Variants in MGMT observed in about 807,000 individuals in gnomAD.
MGMT encodes O-6-methylguanine-DNA methyltransferase.
MGMT carries 14 observed loss-of-function variants against 15.9 expected under a neutral mutation model. The ratio of observed to expected loss-of-function variants is 0.88; its 90% CI spans 0.58 to 1.37. MGMT has a LOEUF of 1.37. Ranked by LOEUF, MGMT falls within the 40% of genes most tolerant of loss-of-function variation. The pLI, the probability that MGMT is intolerant of heterozygous loss-of-function variation, is 0.00. For synonymous variants in MGMT, 130 were observed against 118.2 expected (o/e 1.10, Z -0.65); for missense variants, 282 against 268.1 (o/e 1.05, Z -0.36).
intron 2 of MGMT, among the ~76,000 whole-genome samples, chr10:129,642,106 C>A (rs1847334068): frequency 6.6e-6 from 1 of 152,168 alleles, no homozygotes; most frequent in Non-Finnish European, 1.5e-5. Context: ...CACAGTGAGA[C>A]CCGACATCCC....
intron 2 of MGMT, among the ~76,000 whole-genome samples, chr10:129,685,155 T>G (rs1847891301): frequency 6.6e-6 from 1 of 152,222 alleles, no homozygotes; most frequent in African/African-American, 2.4e-5. Context: ...CAGATAAACA[T>G]GCAAGATTTG....
At chr10:129,756,715 G>A (rs1464667913) in intron 3 of MGMT, among the ~76,000 whole-genome samples, 5 of 152,070 alleles carry the variant, frequency 3.3e-5, no homozygotes, top group South Asian at 2.1e-4. Flanking sequence ...TGATCCGCCC[G>A]CCTCGGCCTC....
At chr10:129,718,418 C>T (rs567868510) in intron 3 of MGMT, among the ~76,000 whole-genome samples, 18 of 152,226 alleles carry the variant, frequency 1.2e-4, no homozygotes, top group African/African-American at 4.3e-4. Flanking sequence ...GGCTGCCCCC[C>T]ACCCCCACCC....
At chr10:129,679,410 T>C (rs1352404176) in intron 2 of MGMT, among the ~76,000 whole-genome samples, 1 of 152,052 alleles carries the variant, frequency 6.6e-6, no homozygotes, top group East Asian at 1.9e-4. Flanking sequence ...TGTTTCACAA[T>C]ATTACTTGAC....
chr10:129,556,638 CCAGA>C lies in MGMT; in HGVS notation c.125+20265_125+20268del, dbSNP rs1178836726. On this transcript the variant is annotated intron_variant, in intron 2 of 4. Transcript: ENST00000651593. This position sits in a 1 kb window ranked among gnomAD's most constrained non-coding sequence, Gnocchi z 4.3. ...CTGCTGTAGAAGAGGCGCCGCCATC[CCAGA>C]CAGTGTTCATAAACACCGACGGCAA... 2.6e-5 allele frequency among the ~76,000 whole-genome samples: 4 copies of C among 152,166 alleles called. No individual in the cohort carries two copies. Among genetic ancestry groups the C allele is most frequent in the African/African-American group, 9.7e-5 (4 of 41,424 alleles).
chr10:129,535,358 T>A (rs1245090687), intron 1 of MGMT, among the ~76,000 whole-genome samples: 3 of 152,144 alleles, frequency 2.0e-5, no homozygotes, highest in African/African-American at 7.2e-5. Context: ...ATTGCACCGC[T>A]GCTCTCCAGC....
chr10:129,717,405 G>A (rs991746875), intron 3 of MGMT, among the ~76,000 whole-genome samples: 3 of 152,078 alleles, frequency 2.0e-5, no homozygotes, highest in African/African-American at 7.2e-5. Flanking sequence ...GTGGGACCTG[G>A]GTATTGGAAC....
intron 1 of MGMT, among the ~76,000 whole-genome samples, chr10:129,485,045 G>C (rs1475610156): frequency 2.6e-5 from 4 of 152,000 alleles, no homozygotes; most frequent in Non-Finnish European, 4.4e-5. Context: ...GATGAATGTT[G>C]TATTAGGAGA....
At chr10:129,653,125 C>T (rs2133099244) in intron 2 of MGMT, among the ~76,000 whole-genome samples, 3 of 152,332 alleles carry the variant, frequency 2.0e-5, no homozygotes, top group Admixed American at 2.0e-4. Context: ...GGGTTATACA[C>T]AGCCTTTCCT....
intron 1 of MGMT, among the ~76,000 whole-genome samples, chr10:129,488,010 C>CAGAGGT (rs1564832150): frequency 8.4e-6 from 1 of 119,710 alleles, no homozygotes; most frequent in Non-Finnish European, 1.8e-5. Context: ...GGTATACACA[C>CAGAGGT]ACACACACAC....
At chr10:129,766,755 C>T (rs757197586) in intron 4 of MGMT, 33 bp from the exon 5 acceptor site, 111 of 1,592,872 alleles carry the variant, frequency 7.0e-5, no homozygotes, top group Non-Finnish European at 9.3e-5. Context: ...GTCCAGATCC[C>T]TGACTGACAG....
At chr10:129,628,064 T>A (rs917565684) in intron 2 of MGMT, among the ~76,000 whole-genome samples, 15 of 152,170 alleles carry the variant, frequency 9.9e-5, no homozygotes, top group African/African-American at 3.4e-4. Context: ...AATGAAGAAT[T>A]GTAACATTTT....
chr10:129,627,832 A>G (rs1360415414), intron 2 of MGMT, among the ~76,000 whole-genome samples: 1 of 152,228 alleles, frequency 6.6e-6, no homozygotes, highest in Non-Finnish European at 1.5e-5. Flanking sequence ...TAATTTTGTA[A>G]TGTGAGTGTG....
intron 1 of MGMT, among the ~76,000 whole-genome samples, chr10:129,505,865 G>T (rs146610983): frequency 6.6e-6 from 1 of 152,298 alleles, no homozygotes; most frequent in East Asian, 1.9e-4. Flanking sequence ...CATGAGAGCA[G>T]TGTGAAGCCT....
Position 129,766,805 on chromosome 10 carries a change from G to A in MGMT, c.432G>A (p.Pro144=), listed in dbSNP as rs368921475. ...MRGNPVPILI[P]CHRVVCSSGA... is the part of the protein sequence containing the mutation. ...TCTTCCAGGTCCCCATCCTCATCCC[G>A]TGCCACAGAGTGGTCTGCAGCAGCG... The change falls in exon 5 of 5, where the codon CCG becomes CCA. Residue 144 remains proline, a synonymous_variant. Coordinates refer to ENST00000651593, the MANE Select transcript of MGMT (RefSeq NM_002412.5). 1.7e-5 allele frequency: 28 copies of A among 1,612,848 alleles called. No homozygotes were observed. Among genetic ancestry groups the A allele is most frequent in the African/African-American group, 8.0e-5 (6 of 74,920 alleles).
intron 1 of MGMT, among the ~76,000 whole-genome samples, chr10:129,495,848 G>A (rs1031290530): frequency 3.3e-5 from 5 of 152,186 alleles, no homozygotes; most frequent in African/African-American, 1.2e-4. Flanking sequence ...GCCTGTGTCT[G>A]GTCAGTAAAC....
chr10:129,505,992 C>A (rs577431456), intron 1 of MGMT, among the ~76,000 whole-genome samples: 1 of 149,648 alleles, frequency 6.7e-6, no homozygotes, highest in South Asian at 2.1e-4. Context: ...AGTGGTCTCT[C>A]GTCTGCAGTT....
At chr10:129,664,990 A>T (rs145697318) in intron 2 of MGMT, among the ~76,000 whole-genome samples, 1 of 152,178 alleles carries the variant, frequency 6.6e-6, no homozygotes, top group Non-Finnish European at 1.5e-5. Context: ...GCGGGGGAAA[A>T]TGCTGAATTA....
intron 2 of MGMT, among the ~76,000 whole-genome samples, chr10:129,604,177 A>G (rs1302833103): frequency 2.0e-5 from 3 of 152,164 alleles, no homozygotes; most frequent in Non-Finnish European, 2.9e-5. Flanking sequence ...ATGATTTACC[A>G]AAGCACTCTC....
Sources: gnomAD v4.1 joint callset for allele counts (sites outside exome capture counted in the v4.1 genomes callset) on GRCh38, gnomAD v4.1.1 for gene constraint, Gnocchi (gnomAD v3.1) non-coding constraint, MANE v1.5 for transcripts, NCBI Gene and HGNC (gene_info 2026-07-23, HGNC 2026-07-21) for gene names.